The following SUGCT variants were observed in gnomAD, a reference collection of about 807,000 sequenced individuals.
SUGCT encodes the protein succinyl-CoA:glutarate-CoA transferase.
Under a neutral mutation model 55.0 loss-of-function variants are expected in SUGCT, and 41 were observed. That is an observed-to-expected ratio of 0.74 (90% CI 0.58 to 0.97). The LOEUF (loss-of-function observed/expected upper bound fraction) is 0.97. Ranked by LOEUF, SUGCT falls within the 50% of genes least tolerant of loss-of-function variation. The probability of loss-of-function intolerance (pLI) is 0.00; values close to 1 mark genes in which losing one functional copy is unlikely to be tolerated. For synonymous variants in SUGCT, 187 were observed against 200.4 expected (o/e 0.93, Z 0.56); for missense variants, 568 against 547.8 (o/e 1.04, Z -0.37).
chr7:40,662,238 T>C (rs1801365278), intron 12 of SUGCT, among the ~76,000 whole-genome samples: 1 of 152,344 alleles, frequency 6.6e-6, no homozygotes, highest in Admixed American at 6.5e-5. Flanking sequence ...TTCAACTCTT[T>C]CTTACCAGCT....
intron 8 of SUGCT, among the ~76,000 whole-genome samples, chr7:40,314,601 G>A (rs185868457): frequency 3.2e-5 from 4 of 123,564 alleles, no homozygotes; most frequent in Admixed American, 1.1e-4. Context: ...TTTCGCTCTC[G>A]TTGCCGAGGC....
intron 13 of SUGCT, among the ~76,000 whole-genome samples, chr7:40,799,196 C>CA (rs1313224727): frequency 6.6e-6 from 1 of 152,176 alleles, no homozygotes; most frequent in African/African-American, 2.4e-5. Flanking sequence ...CCTTTTTGTG[C>CA]ACCAAGAGGC....
intron 13 of SUGCT, among the ~76,000 whole-genome samples, chr7:40,845,856 A>G (rs1181914412): frequency 6.6e-6 from 1 of 152,186 alleles, no homozygotes; most frequent in Non-Finnish European, 1.5e-5. Flanking sequence ...GATGGTTGAT[A>G]TAAGACTAAT....
the SUGCT span, among the ~76,000 whole-genome samples, chr7:40,905,199 G>T: frequency 1.3e-5 from 2 of 152,040 alleles, no homozygotes; most frequent in Admixed American, 6.6e-5. Context: ...GAATCATTTG[G>T]TTCATAAAAA....
At chr7:40,324,261 A>ATATATATATATATATATATT (rs377215730) in intron 9 of SUGCT, among the ~76,000 whole-genome samples, 2,155 of 99,224 alleles carry the variant, frequency 0.022, 65 homozygotes, top group African/African-American at 0.032. Context: ...AAATATATAT[A>ATATATATATATATATATATT]TATTTATTTT....
intron 8 of SUGCT, among the ~76,000 whole-genome samples, chr7:40,306,700 A>G (rs1431943338): frequency 6.6e-6 from 1 of 152,206 alleles, no homozygotes; most frequent in African/African-American, 2.4e-5. Flanking sequence ...ACTTGCTATC[A>G]CAGGAATAAA....
Position 40,737,106 on chromosome 7 carries a change from G to T in SUGCT, c.1090-12328G>T, listed in dbSNP as rs74952468. On this transcript the variant is annotated intron_variant, in intron 12 of 13. Transcript: ENST00000335693. ...GCACTCATGACATCCTAGTGAATGC[G>T]CAGGGGCACTGCAGGATGTTTATAT... 2.0e-5 allele frequency among the ~76,000 whole-genome samples: 3 copies of T among 152,264 alleles called. No homozygotes were observed. In the South Asian group the frequency reaches 6.2e-4, roughly 32 times the overall value.
chr7:40,143,580 T>C (rs545300827), intron 1 of SUGCT, among the ~76,000 whole-genome samples: 2 of 152,392 alleles, frequency 1.3e-5, no homozygotes, highest in South Asian at 4.1e-4. Context: ...CAATTGCTTT[T>C]GTTTAACGTG....
chr7:40,782,566 T>TCATTGTCTTTAATTTCAGACCA (rs1789809475), intron 13 of SUGCT: 1 of 152,188 alleles, frequency 6.6e-6, no homozygotes, highest in African/African-American at 2.4e-5. Context: ...CCACCACATT[T>TCATTGTCTTTAATTTCAGACCA]AGGTCATTGT....
At chr7:40,672,494 A>T (rs1190416083) in intron 12 of SUGCT, among the ~76,000 whole-genome samples, 1 of 152,200 alleles carries the variant, frequency 6.6e-6, no homozygotes, top group African/African-American at 2.4e-5. Context: ...TTTTATATGT[A>T]CATTCTTGAA....
the SUGCT span, among the ~76,000 whole-genome samples, chr7:40,921,269 C>T: frequency 2.0e-5 from 3 of 151,830 alleles, no homozygotes; most frequent in Middle Eastern, 3.4e-3. Context: ...TATTTGGAAG[C>T]GAGGTGAATA....
intron 12 of SUGCT, among the ~76,000 whole-genome samples, chr7:40,706,801 T>C (rs1333938367): frequency 6.6e-6 from 1 of 152,274 alleles, no homozygotes; most frequent in African/African-American, 2.4e-5. Context: ...TGACAAAAAA[T>C]TTTGAGATAG....
chr7:40,705,242 C>T (rs186762527), intron 12 of SUGCT, among the ~76,000 whole-genome samples: 27 of 151,994 alleles, frequency 1.8e-4, no homozygotes, highest in African/African-American at 5.6e-4. Flanking sequence ...GTCCTGTGTA[C>T]CCAATGGTAA....
chr7:40,699,844 C>T lies in SUGCT; in HGVS notation c.1090-49590C>T, dbSNP rs572655131. Among the ~76,000 whole-genome samples, 277 of 151,904 alleles carry T rather than the reference C, an allele frequency of 1.8e-3. 2 individuals are homozygous for T. The highest frequency in any genetic ancestry group is 6.4e-3 in the African/African-American group (267 of 41,414). On this transcript the variant is annotated intron_variant, in intron 12 of 13. Coordinates refer to ENST00000335693, the MANE Select transcript of SUGCT (RefSeq NM_001193313.2). ...CTACACTCCAGCCTGGGTGACAGAG[C>T]GAGACTCCATCTCAAAAAAATAAAA...
chr7:40,262,526 G>A (rs865845312), intron 7 of SUGCT, among the ~76,000 whole-genome samples: 5 of 150,304 alleles, frequency 3.3e-5, no homozygotes, highest in South Asian at 2.1e-4. Context: ...TTAGCCGAGC[G>A]TGGTAGTGGG....
intron 11 of SUGCT, among the ~76,000 whole-genome samples, chr7:40,490,983 CAT>C (rs1791646423): frequency 6.6e-6 from 1 of 152,198 alleles, no homozygotes; most frequent in African/African-American, 2.4e-5. Flanking sequence ...TCTGATTAAA[CAT>C]AGTCTTTCCA....
At chr7:40,284,264 T>A (rs539518087) in intron 8 of SUGCT, among the ~76,000 whole-genome samples, 1 of 152,126 alleles carries the variant, frequency 6.6e-6, no homozygotes, top group Admixed American at 6.6e-5. Flanking sequence ...TACTTTAAAT[T>A]TCGTAAGAGA....
intron 6 of SUGCT, among the ~76,000 whole-genome samples, chr7:40,227,872 T>A (rs1788475828): frequency 6.8e-6 from 1 of 148,144 alleles, no homozygotes; most frequent in Admixed American, 6.6e-5. Flanking sequence ...ATTTATTTAT[T>A]TATATATTTA....
intron 11 of SUGCT, among the ~76,000 whole-genome samples, chr7:40,487,554 G>C (rs985725850): frequency 1.3e-5 from 2 of 151,830 alleles, no homozygotes; most frequent in Non-Finnish European, 2.9e-5. Context: ...TAAGTCTAAT[G>C]TTTCCTTGTT....
Sources: allele counts gnomAD v4.1 joint callset (sites outside exome capture counted in the v4.1 genomes callset), GRCh38; gene constraint gnomAD v4.1.1; transcripts MANE v1.5; gene names NCBI Gene and HGNC (gene_info 2026-07-23, HGNC 2026-07-21).